PACS1: variants seen among roughly 807,000 people sequenced by gnomAD.
The protein encoded by PACS1 is PACS-1.
In PACS1, 24 loss-of-function variants were observed where a neutral mutation model predicts 115.0. The observed-to-expected ratio is 0.21, with a 90% CI of 0.15 to 0.29. PACS1 has a LOEUF of 0.29. Among genes scored for constraint, PACS1 ranks in the 10% least tolerant of loss-of-function variants. PACS1 has a pLI of 1.00. For synonymous variants in PACS1, 453 were observed against 504.5 expected (o/e 0.90, Z 1.37); for missense variants, 838 against 1,251.2 (o/e 0.67, Z 4.98).
intron 4 of PACS1, among the ~76,000 whole-genome samples, chr11:66,211,774 G>A (rs760456966): frequency 3.3e-5 from 5 of 152,140 alleles, no homozygotes; most frequent in East Asian, 1.9e-4. Context: ...TAAGATTGCC[G>A]TCTAACCCAC....
chr11:66,217,112 C>T, intron 7 of PACS1: 1 of 357,682 alleles, frequency 2.8e-6, no homozygotes, highest in East Asian at 6.8e-5. Flanking sequence ...ACATGCTGTC[C>T]TCTGCAGCGA....
At chr11:66,082,387 A>T (rs1857496257) in intron 1 of PACS1, among the ~76,000 whole-genome samples, 1 of 152,008 alleles carries the variant, frequency 6.6e-6, no homozygotes, top group African/African-American at 2.4e-5. Context: ...GCTAATTTTT[A>T]AATTATTTAT....
At chr11:66,134,341 C>T (rs1000332095) in intron 1 of PACS1, among the ~76,000 whole-genome samples, 3 of 134,628 alleles carry the variant, frequency 2.2e-5, no homozygotes, top group Non-Finnish European at 4.6e-5. Flanking sequence ...GCTCGGCTCA[C>T]TGCAACCTCT....
At chr11:66,114,195 G>A (rs1034095678) in intron 1 of PACS1, among the ~76,000 whole-genome samples, 3 of 151,998 alleles carry the variant, frequency 2.0e-5, no homozygotes, top group Non-Finnish European at 4.4e-5. Context: ...GAGGCGGGCG[G>A]ATCACAAGGT....
intron 1 of PACS1, among the ~76,000 whole-genome samples, chr11:66,105,415 C>G (rs1344252862): frequency 1.3e-5 from 2 of 152,098 alleles, no homozygotes; most frequent in African/African-American, 4.8e-5. Context: ...AAGAGTGAAA[C>G]TCTGTTTCAA....
At chr11:66,207,061 C>T (rs1040382430) in intron 2 of PACS1, among the ~76,000 whole-genome samples, 1 of 152,236 alleles carries the variant, frequency 6.6e-6, no homozygotes, top group Non-Finnish European at 1.5e-5. Flanking sequence ...CACTGTTTCC[C>T]TTCACCAGTG....
intron 7 of PACS1, 66 bp from the exon 8 acceptor site, chr11:66,219,680 G>A: frequency 1.7e-6 from 2 of 1,204,840 alleles, no homozygotes; most frequent in Non-Finnish European, 1.2e-6. Flanking sequence ...TCTGGTGGGT[G>A]TTTATTGACT....
chr11:66,160,317 T>C (rs1230629178), intron 1 of PACS1, among the ~76,000 whole-genome samples: 1 of 152,154 alleles, frequency 6.6e-6, no homozygotes, highest in African/African-American at 2.4e-5. Context: ...AAATATAAAA[T>C]AAAGATTATA....
chr11:66,135,955 C>T lies in PACS1; in HGVS notation c.357-57531C>T, dbSNP rs573998413. ...TACAGGCGTGAGCCACTACACCCAG[C>T]CTCCTGCGCTCCTCTTAACGTGGTT... is the stretch of plus-strand genomic sequence containing the variant. On this transcript the variant is annotated intron_variant, in intron 1 of 23. Transcript: ENST00000320580. Among the ~76,000 whole-genome samples the T allele has an allele frequency of 1.1e-3, 163 of 152,248 alleles. No homozygotes were observed. The Middle Eastern group carries it at 0.014, about 13-fold the overall frequency.
At position 66,236,477 on chromosome 11, in the gene PACS1, G is replaced by A. The variant is rs1454862123; in HGVS notation, c.2250+537G>A. Among the ~76,000 whole-genome samples the A allele has an allele frequency of 6.6e-6, 1 of 152,174 alleles. No homozygotes were observed. Among genetic ancestry groups the A allele is most frequent in the Non-Finnish European group, 1.5e-5 (1 of 68,034 alleles). On this transcript the variant is annotated intron_variant, in intron 19 of 23. Transcript: ENST00000320580. The surrounding 1 kb of genome is among the most constrained non-coding windows in gnomAD (Gnocchi z 4.2). ...TCATGGTTGGATAGGCCACTGAGAG[G>A]AAGGCTTTCTTCTTTCCTTTTCTAT...
chr11:66,235,386 G>T lies in PACS1; in HGVS notation c.2190G>T (p.Leu730=), dbSNP rs1337263501. 1 of 1,613,550 alleles carries T rather than the reference G, an allele frequency of 6.2e-7. No individual in the cohort carries two copies. Among genetic ancestry groups the T allele is most frequent in the Non-Finnish European group, 8.5e-7 (1 of 1,179,502 alleles). Residue 730 remains leucine, a synonymous_variant, in exon 18 of 24, where the codon CTG becomes CTT. Transcript: ENST00000320580. This position sits in a 1 kb window ranked among gnomAD's most constrained non-coding sequence, Gnocchi z 5.6. ...THQLPVAEAM[L]TCRHKFPDED... is the part of the protein sequence containing the mutation. ...AGCTTCCCGTGGCCGAAGCCATGCT[G>T]ACTTGCCGGCATAAGTTGTAAGTTT...
At chr11:66,089,305 CTTA>C (rs1481301974) in intron 1 of PACS1, among the ~76,000 whole-genome samples, 3 of 152,120 alleles carry the variant, frequency 2.0e-5, no homozygotes, top group Non-Finnish European at 1.5e-5. Flanking sequence ...ACATTTTGCT[CTTA>C]TTATGACAGT....
chr11:66,159,416 A>C (rs1190550127), intron 1 of PACS1, among the ~76,000 whole-genome samples: 1 of 152,100 alleles, frequency 6.6e-6, no homozygotes, highest in Non-Finnish European at 1.5e-5. Flanking sequence ...CAGCCTGGGC[A>C]ACAAGAGCAA....
rs552731539 is a variant in PACS1, at chr11:66,200,958, C to T, written c.444+7385C>T. Among the ~76,000 whole-genome samples the T allele has an allele frequency of 1.0e-3, 155 of 151,720 alleles. 1 individual carries two copies. The highest frequency in any genetic ancestry group is 1.3e-4 in the Non-Finnish European group (9 of 67,924). ...AGTTGAGGCCAGGTGTGGTGACTCACGCCTGTAATCCCAGCACTTTGGGAG... is the reference window on the plus strand; with the variant it reads ...AGTTGAGGCCAGGTGTGGTGACTCATGCCTGTAATCCCAGCACTTTGGGAG... On this transcript the variant is annotated intron_variant, in intron 2 of 23. Transcript: ENST00000320580.
At chr11:66,166,139 TTTTG>T (rs4013919) in intron 1 of PACS1, among the ~76,000 whole-genome samples, 68 of 151,064 alleles carry the variant, frequency 4.5e-4, no homozygotes, top group African/African-American at 1.5e-3. Flanking sequence ...CCTCACATCT[TTTTG>T]TTTGTTTGTT....
intron 1 of PACS1, among the ~76,000 whole-genome samples, chr11:66,121,913 G>A (rs1222481826): frequency 6.6e-6 from 1 of 152,192 alleles, no homozygotes; most frequent in Admixed American, 6.5e-5. Context: ...AGAAGATATA[G>A]CTAAGGTGGC....
At chr11:66,134,678 C>A (rs971410246) in intron 1 of PACS1, among the ~76,000 whole-genome samples, 1 of 151,884 alleles carries the variant, frequency 6.6e-6, no homozygotes, top group Non-Finnish European at 1.5e-5. Flanking sequence ...TTGGGTAGGG[C>A]TCCCTGTACC....
chr11:66,078,801 G>A (rs767561259), intron 1 of PACS1, among the ~76,000 whole-genome samples: 7 of 152,214 alleles, frequency 4.6e-5, no homozygotes, highest in South Asian at 2.1e-4. Flanking sequence ...CAATCCTCCC[G>A]CCTCAGCCTA....
At chr11:66,184,527 T>C (rs1860078130) in intron 1 of PACS1, among the ~76,000 whole-genome samples, 1 of 152,160 alleles carries the variant, frequency 6.6e-6, no homozygotes, top group African/African-American at 2.4e-5. Context: ...AAAAGATTCT[T>C]GTCACTATAT....
Sources: gnomAD v4.1 joint callset for allele counts (sites outside exome capture counted in the v4.1 genomes callset) on GRCh38, gnomAD v4.1.1 for gene constraint, Gnocchi (gnomAD v3.1) non-coding constraint, MANE v1.5 for transcripts, NCBI Gene and HGNC (gene_info 2026-07-23, HGNC 2026-07-21) for gene names.